STAG1: variants seen among roughly 807,000 people sequenced by gnomAD.
STAG1 encodes STAG1 cohesin complex component.
Under a neutral mutation model 170.9 loss-of-function variants are expected in STAG1, and 26 were observed. That is an observed-to-expected ratio of 0.15 (90% CI 0.11 to 0.21). The LOEUF is 0.21. Ranked by LOEUF, STAG1 falls within the 10% of genes least tolerant of loss-of-function variation. The probability of loss-of-function intolerance (pLI) is 1.00; values close to 1 mark genes in which losing one functional copy is unlikely to be tolerated. For missense variants in STAG1, 964 were observed against 1,509.5 expected, an observed-to-expected ratio of 0.64 and a Z score of 5.99; for synonymous variants, 514 against 497.7, an observed-to-expected ratio of 1.03 and a Z score of -0.44.
rs1257111554 is a variant in STAG1, at chr3:136,737,661, AG to A, written c.-84+14533del. Among the ~76,000 whole-genome samples the A allele has an allele frequency of 2.0e-5, 3 of 152,376 alleles. No individual in the cohort carries two copies. The East Asian group carries it at 5.8e-4, about 29-fold the overall frequency. ...TTACTATATTCAACAAATATTTGTTAGCCCTTACTGTGTCAGAATCTATTCT... is the reference window on the plus strand; with the variant it reads ...TTACTATATTCAACAAATATTTGTTACCCTTACTGTGTCAGAATCTATTCT... On this transcript the variant is annotated intron_variant, in intron 1 of 33. Coordinates refer to ENST00000383202, the MANE Select transcript of STAG1 (RefSeq NM_005862.3).
chr3:136,576,816 G>A (rs534741359), intron 4 of STAG1, among the ~76,000 whole-genome samples: 2 of 152,288 alleles, frequency 1.3e-5, no homozygotes, highest in South Asian at 4.1e-4. Context: ...TTCTCAGTAA[G>A]CCATTTAGTA....
chr3:136,701,518 T>C (rs1277384244), intron 1 of STAG1, among the ~76,000 whole-genome samples: 6 of 152,030 alleles, frequency 3.9e-5, no homozygotes, highest in Non-Finnish European at 8.8e-5. Context: ...CAAAAGCAGC[T>C]CAGTAAAATA....
intron 1 of STAG1, chr3:136,736,553 T>C: frequency 2.7e-6 from 4 of 1,506,012 alleles, no homozygotes; most frequent in Non-Finnish European, 3.7e-6. Flanking sequence ...TTATCTTCTC[T>C]TTCTTCCCCT....
chr3:136,679,333 A>C (rs1457518763), intron 1 of STAG1, among the ~76,000 whole-genome samples: 1 of 151,998 alleles, frequency 6.6e-6, no homozygotes, highest in Non-Finnish European at 1.5e-5. Flanking sequence ...TAATCCCACC[A>C]CTTTGGGAGG....
intron 1 of STAG1, among the ~76,000 whole-genome samples, chr3:136,631,463 T>C (rs1309927159): frequency 6.6e-6 from 1 of 152,188 alleles, no homozygotes; most frequent in African/African-American, 2.4e-5. Flanking sequence ...ACATGTGTGA[T>C]GGATGTGTCA....
intron 14 of STAG1, among the ~76,000 whole-genome samples, chr3:136,450,953 T>C (rs1256911622): frequency 7.2e-5 from 11 of 152,112 alleles, no homozygotes; most frequent in Admixed American, 7.2e-4. Flanking sequence ...TTTGCTATAT[T>C]AGCCAGGCTG....
intron 4 of STAG1, among the ~76,000 whole-genome samples, chr3:136,582,780 CAG>C (rs1937619091): frequency 1.3e-5 from 2 of 152,098 alleles, no homozygotes; most frequent in African/African-American, 4.8e-5. Context: ...GCCTAGGCAA[CAG>C]AGTCAGACTC....
In STAG1 at chr3:136,463,735, A is replaced by ATATGTGTGTGTGTG. The variant is rs1553725772; in HGVS notation, c.1313+1145_1313+1146insCACACACACACATA. ...TCTCTAAAAAAAAAAAAATGTGTATATGTGTGTGTGTGTGTGTGTGTGTGT... is the reference window on the plus strand; with the variant it reads ...TCTCTAAAAAAAAAAAAATGTGTATATATGTGTGTGTGTGTGTGTGTGTGTGTGTGTGTGTGTGT... On this transcript the variant is annotated intron_variant, in intron 13 of 33. Transcript: ENST00000383202. Among the ~76,000 whole-genome samples the ATATGTGTGTGTGTG allele has an allele frequency of 4.9e-5, 5 of 101,222 alleles. No individual in the cohort carries two copies. In the East Asian group the frequency reaches 3.4e-3, roughly 68 times the overall value. The allele number at this position is 101,222 out of a possible 152,430, so 66.4% of individuals were successfully genotyped here.
intron 3 of STAG1, among the ~76,000 whole-genome samples, chr3:136,605,686 T>C (rs1378309016): frequency 6.6e-6 from 1 of 152,230 alleles, no homozygotes; most frequent in Non-Finnish European, 1.5e-5. Context: ...TACCAATTTA[T>C]GGTCTCTCAT....
intron 4 of STAG1, among the ~76,000 whole-genome samples, chr3:136,577,964 C>T (rs2107774476): frequency 6.6e-6 from 1 of 152,246 alleles, no homozygotes; most frequent in Admixed American, 6.5e-5. Flanking sequence ...GATACCAGAG[C>T]CTCCCTGGCC....
chr3:136,398,130 T>TG (rs1243892763), intron 22 of STAG1, among the ~76,000 whole-genome samples: 5 of 151,662 alleles, frequency 3.3e-5, no homozygotes, highest in African/African-American at 4.8e-5. Flanking sequence ...TATTTTTTTT[T>TG]TTTTCAGACA....
intron 1 of STAG1, among the ~76,000 whole-genome samples, chr3:136,740,012 C>T (rs895260096): frequency 2.6e-5 from 4 of 152,148 alleles, no homozygotes; most frequent in African/African-American, 7.2e-5. Context: ...ACAGATTCCA[C>T]ATCTTACTCT....
At chr3:136,363,718 A>C (rs1936967725) in intron 25 of STAG1, among the ~76,000 whole-genome samples, 1 of 152,188 alleles carries the variant, frequency 6.6e-6, no homozygotes, top group East Asian at 1.9e-4. Context: ...AAAACCAAAA[A>C]AGCTGGGAAT....
At chr3:136,679,178 T>C (rs918415961) in intron 1 of STAG1, among the ~76,000 whole-genome samples, 75 of 152,314 alleles carry the variant, frequency 4.9e-4, no homozygotes, top group Non-Finnish European at 3.2e-4. Context: ...CCAACATTGC[T>C]GGTGGCAAAT....
chr3:136,430,020 T>C (rs2088250374), intron 16 of STAG1: 1 of 152,258 alleles, frequency 6.6e-6, no homozygotes, highest in Non-Finnish European at 1.5e-5. Flanking sequence ...ATTGGTAGGC[T>C]ATAGTAGTTA....
chr3:136,468,222 G>A (rs1039128184), intron 12 of STAG1, among the ~76,000 whole-genome samples: 5 of 152,042 alleles, frequency 3.3e-5, no homozygotes, highest in Non-Finnish European at 5.9e-5. Flanking sequence ...CTAGGAGCTC[G>A]TTTTTTGAAA....
At chr3:136,389,419 A>G (rs1258201288) in intron 22 of STAG1, among the ~76,000 whole-genome samples, 2 of 152,076 alleles carry the variant, frequency 1.3e-5, no homozygotes, top group East Asian at 3.9e-4. Flanking sequence ...CAGCCTCCTG[A>G]GTAGCTGGGA....
chr3:136,633,849 C>G (rs1290466289), intron 1 of STAG1, among the ~76,000 whole-genome samples: 1 of 149,384 alleles, frequency 6.7e-6, no homozygotes, highest in Non-Finnish European at 1.5e-5. Flanking sequence ...ACTGGCCAGG[C>G]ACAGTAGCCC....
At chr3:136,667,068 AT>A (rs911133784) in intron 1 of STAG1, among the ~76,000 whole-genome samples, 3 of 152,212 alleles carry the variant, frequency 2.0e-5, no homozygotes, top group African/African-American at 7.2e-5. Flanking sequence ...CTGATTTTCA[AT>A]TTTTAAAATC....
Sources: gnomAD v4.1 joint callset for allele counts (sites outside exome capture counted in the v4.1 genomes callset) on GRCh38, gnomAD v4.1.1 for gene constraint, MANE v1.5 for transcripts, NCBI Gene and HGNC (gene_info 2026-07-23, HGNC 2026-07-21) for gene names.